UGT1A6: variants seen among roughly 807,000 people sequenced by gnomAD.
UGT1A6 encodes UDP-glucuronosyltransferase 1A6.
UGT1A6 carries 32 observed loss-of-function variants against 44.4 expected under a neutral mutation model. The observed-to-expected ratio is 0.72, with a 90% CI of 0.54 to 0.97. The LOEUF is 0.97. UGT1A6 is among the 50% of genes least tolerant of loss of function. The probability of loss-of-function intolerance (pLI) is 0.00; values close to 1 mark genes in which losing one functional copy is unlikely to be tolerated. For synonymous variants in UGT1A6, 238 were observed against 248.5 expected, an observed-to-expected ratio of 0.96 and a Z score of 0.40; for missense variants, 685 against 661.9, an observed-to-expected ratio of 1.03 and a Z score of -0.38.
chr2:233,762,139 G>C (rs983754711), intron 1 of UGT1A6, among the ~76,000 whole-genome samples: 1 of 152,114 alleles, frequency 6.6e-6, no homozygotes, highest in African/African-American at 2.4e-5. Context: ...GGACCTGTGT[G>C]ACTTTGCATT....
In UGT1A6 at chr2:233,769,577, T is replaced by C. The variant is rs780547888; in HGVS notation, c.1301+1138T>C. 1 of 1,612,862 alleles carries C rather than the reference T, an allele frequency of 6.2e-7. No homozygotes were observed. The highest frequency in any genetic ancestry group is 1.1e-5 in the South Asian group (1 of 91,064). ...ACAGATGTGAAGAGCTGGAGCATGTTCAGATGAGAGGAGACGGAACACGGG... is the reference window on the plus strand; with the variant it reads ...ACAGATGTGAAGAGCTGGAGCATGTCCAGATGAGAGGAGACGGAACACGGG... On this transcript the variant is annotated intron_variant, in intron 4 of 4. Transcript: ENST00000305139. The surrounding 1 kb of genome is among the most constrained non-coding windows in gnomAD (Gnocchi z 4.4).
intron 1 of UGT1A6, among the ~76,000 whole-genome samples, chr2:233,758,290 A>G (rs1270361168): frequency 6.6e-6 from 1 of 152,254 alleles, no homozygotes; most frequent in East Asian, 1.9e-4. Flanking sequence ...AGCTGTGGCC[A>G]CAAACCATCC....
At chr2:233,755,984 T>G (rs1407833080) in intron 1 of UGT1A6, 1 of 152,244 alleles carries the variant, frequency 6.6e-6, no homozygotes, top group African/African-American at 2.4e-5. Flanking sequence ...TGGATTCTCA[T>G]GTCAGCTTCT....
chr2:233,713,466 G>A, intron 1 of UGT1A6: 1 of 1,614,064 alleles, frequency 6.2e-7, no homozygotes, highest in Non-Finnish European at 8.5e-7. Flanking sequence ...CCTCTGCGCG[G>A]CGGTGCTGGC....
At chr2:233,738,677 A>C (rs1328958529) in intron 1 of UGT1A6, among the ~76,000 whole-genome samples, 2 of 152,316 alleles carry the variant, frequency 1.3e-5, no homozygotes, top group East Asian at 3.9e-4. Flanking sequence ...AGATGATCTG[A>C]AATTGGAACT....
intron 4 of UGT1A6, among the ~76,000 whole-genome samples, chr2:233,768,657 G>A (rs1265555530): frequency 7.1e-6 from 1 of 141,016 alleles, no homozygotes; most frequent in East Asian, 2.1e-4. Context: ...TGCAATCTTG[G>A]CTTACTGCAA....
chr2:233,764,644 T>C (rs1207415683), intron 1 of UGT1A6, among the ~76,000 whole-genome samples: 1 of 151,998 alleles, frequency 6.6e-6, no homozygotes, highest in African/African-American at 2.4e-5. Context: ...CTAGGAAATT[T>C]AAGTAAGCCA....
At chr2:233,711,289 G>A (rs1304407037) in intron 1 of UGT1A6, among the ~76,000 whole-genome samples, 1 of 152,208 alleles carries the variant, frequency 6.6e-6, no homozygotes, top group Admixed American at 6.5e-5. Flanking sequence ...CTAGACGTGG[G>A]AGTAGAAATT....
At chr2:233,767,976 C>G in intron 3 of UGT1A6, 40 bp downstream of exon 3, 1 of 1,614,042 alleles carries the variant, frequency 6.2e-7, no homozygotes. Context: ...AAACCAGGGT[C>G]AAATTAAGAA....
rs1362371317 is a variant in UGT1A6 at position 233,772,403 on chromosome 2, C to T, written c.1443C>T (p.Thr481=). The T allele has an allele frequency of 6.2e-7, 1 of 1,614,140 alleles. No individual in the cohort carries two copies. Among genetic ancestry groups the T allele is most frequent in the African/African-American group, 1.3e-5 (1 of 74,952 alleles). The part of the protein sequence containing the change: ...PHLRPAAHDL[T]WYQYHSLDVI... ...TGCGCCCCGCAGCCCACGACCTCAC[C>T]TGGTACCAGTACCATTCCTTGGACG... Residue 481 remains threonine (T), a synonymous_variant, in exon 5 of 5, where the codon ACC becomes ACT. Coordinates refer to ENST00000305139, the MANE Select transcript of UGT1A6 (RefSeq NM_001072.4).
intron 1 of UGT1A6, chr2:233,743,038 A>G (rs968490640): frequency 1.2e-4 from 34 of 283,020 alleles, no homozygotes; most frequent in Non-Finnish European, 2.1e-5. Context: ...CAGAGGTCCT[A>G]TCCGTGTAGT....
chr2:233,757,188 C>G (rs1300047445), intron 1 of UGT1A6, among the ~76,000 whole-genome samples: 1 of 150,488 alleles, frequency 6.6e-6, no homozygotes, highest in African/African-American at 2.5e-5. Flanking sequence ...GCAGAGGACT[C>G]TGAATTTTCT....
At chr2:233,755,690 C>G (rs58069490) in intron 1 of UGT1A6, 1 of 155,628 alleles carries the variant, frequency 6.4e-6, no homozygotes, top group African/African-American at 2.4e-5. Context: ...TTAGTCTGAC[C>G]GGGGCTGAAG....
At chr2:233,747,029 T>C (rs1693544106) in intron 1 of UGT1A6, among the ~76,000 whole-genome samples, 1 of 152,046 alleles carries the variant, frequency 6.6e-6, no homozygotes, top group Middle Eastern at 3.4e-3. Context: ...TTTCCCGAAG[T>C]GGGACCCATA....
At position 233,767,975 on chromosome 2, in the gene UGT1A6, T is replaced by A. The variant is rs772516341; in HGVS notation, c.1081+39T>A. The A allele has an allele frequency of 6.2e-6, 10 of 1,614,016 alleles. No homozygotes were observed. The African/African-American group carries it at 1.3e-4, about 22-fold the overall frequency. On this transcript the variant is annotated intron_variant, in intron 3 of 4. Transcript: ENST00000305139. ...ATTGGATGTATAGGTCAAACCAGGGTCAAATTAAGAAAATGGCTTAAGCAC... is the reference window on the plus strand; with the variant it reads ...ATTGGATGTATAGGTCAAACCAGGGACAAATTAAGAAAATGGCTTAAGCAC...
intron 1 of UGT1A6, among the ~76,000 whole-genome samples, chr2:233,766,276 CCCGGGCTCG>C (rs1699094963): frequency 2.0e-5 from 3 of 151,848 alleles, no homozygotes; most frequent in Non-Finnish European, 1.5e-5. Flanking sequence ...GGCTCGGTGG[CCCGGGCTCG>C]GTGGCCTGGG....
At chr2:233,711,223 C>T (rs1464133261) in intron 1 of UGT1A6, among the ~76,000 whole-genome samples, 2 of 152,210 alleles carry the variant, frequency 1.3e-5, no homozygotes, top group Non-Finnish European at 2.9e-5. Flanking sequence ...GCTCCCATGT[C>T]GCTGAAGGCA....
chr2:233,694,538 T>C (rs530909274), intron 1 of UGT1A6, among the ~76,000 whole-genome samples: 2 of 152,192 alleles, frequency 1.3e-5, no homozygotes, highest in African/African-American at 4.8e-5. Context: ...CAGAGTTACT[T>C]TGGAAAATAA....
At chr2:233,693,979 G>C (rs888825187) in intron 1 of UGT1A6, 114 bp downstream of exon 1, 14 of 1,559,440 alleles carry the variant, frequency 9.0e-6, no homozygotes, top group Non-Finnish European at 1.2e-5. Flanking sequence ...AGAAACGGTG[G>C]GGGGAAGTGA....
Sources: gnomAD v4.1 joint callset for allele counts (sites outside exome capture counted in the v4.1 genomes callset) on GRCh38, gnomAD v4.1.1 for gene constraint, Gnocchi (gnomAD v3.1) non-coding constraint, MANE v1.5 for transcripts, NCBI Gene and HGNC (gene_info 2026-07-23, HGNC 2026-07-21) for gene names.